JAZF1: variants seen among roughly 807,000 people sequenced by gnomAD.
JAZF1 encodes juxtaposed with another zinc finger protein 1.
JAZF1 carries 8 observed loss-of-function variants against 26.4 expected under a neutral mutation model. The observed-to-expected ratio is 0.30, with a 90% confidence interval of 0.18 to 0.55. JAZF1 has a LOEUF of 0.55. JAZF1 is among the 20% of genes least tolerant of loss of function. JAZF1 has a pLI of 0.94. For missense variants in JAZF1, 199 were observed against 322.0 expected (o/e 0.62, Z 2.92); for synonymous variants, 126 against 122.3 (o/e 1.03, Z -0.20).
intron 2 of JAZF1, among the ~76,000 whole-genome samples, chr7:27,988,398 A>G (rs1418572604): frequency 6.8e-6 from 1 of 146,912 alleles, no homozygotes; most frequent in Non-Finnish European, 1.5e-5. Flanking sequence ...TTTTTGAGAC[A>G]GTGTCTCCCC....
rs571098073 is a variant in JAZF1, at chr7:27,856,456, C to T, written c.386-15589G>A. ...TCCACACTGTGGAAAGGGACCTGAG[C>T]GGGTTGCCACTGCTGATTCAGGCAG... On this transcript the variant is annotated intron_variant, in intron 3 of 4. Coordinates refer to ENST00000283928, the MANE Select transcript of JAZF1 (RefSeq NM_175061.4). 5.3e-5 allele frequency among the ~76,000 whole-genome samples: 8 copies of T among 152,240 alleles called. No individual in the cohort carries two copies. In the East Asian group the frequency reaches 9.7e-4, roughly 18 times the overall value.
intron 2 of JAZF1, among the ~76,000 whole-genome samples, chr7:27,954,816 G>A (rs1785060560): frequency 6.6e-6 from 1 of 152,168 alleles, no homozygotes. Context: ...GGAGTGCAAT[G>A]GCATGTTCTT....
At chr7:27,904,761 G>A (rs1230496306) in intron 2 of JAZF1, among the ~76,000 whole-genome samples, 2 of 152,042 alleles carry the variant, frequency 1.3e-5, no homozygotes, top group Non-Finnish European at 1.5e-5. Context: ...CACTCCATTT[G>A]ATCAGATCAG....
intron 1 of JAZF1, chr7:28,071,530 T>C (rs1467499969): frequency 1.5e-5 from 7 of 455,726 alleles, no homozygotes; most frequent in South Asian, 1.1e-4. Context: ...TCAATAAATA[T>C]ATTAATACAC....
At chr7:28,041,616 A>G (rs1459766745) in intron 1 of JAZF1, among the ~76,000 whole-genome samples, 2 of 152,160 alleles carry the variant, frequency 1.3e-5, no homozygotes, top group Non-Finnish European at 2.9e-5. Context: ...CAAGACCTAC[A>G]TACTTCAGAT....
intron 1 of JAZF1, among the ~76,000 whole-genome samples, chr7:28,114,260 T>C (rs1002762745): frequency 3.0e-4 from 45 of 152,242 alleles, no homozygotes; most frequent in Admixed American, 7.9e-4. Flanking sequence ...CTGCTACCTT[T>C]ACCTTCTGCA....
intron 1 of JAZF1, among the ~76,000 whole-genome samples, chr7:28,063,037 C>T (rs766873637): frequency 2.0e-5 from 3 of 152,172 alleles, no homozygotes; most frequent in Non-Finnish European, 4.4e-5. Flanking sequence ...AACATCTAAG[C>T]TTATTTTATT....
chr7:28,108,420 C>G (rs1784587664), intron 1 of JAZF1, among the ~76,000 whole-genome samples: 1 of 152,124 alleles, frequency 6.6e-6, no homozygotes, highest in Admixed American at 6.5e-5. Flanking sequence ...CCTTGGTTTC[C>G]AAGCTCATCT....
chr7:28,147,421 C>T (rs1783044278), intron 1 of JAZF1, among the ~76,000 whole-genome samples: 1 of 152,118 alleles, frequency 6.6e-6, no homozygotes, highest in Admixed American at 6.5e-5. Context: ...CAAGTACTCA[C>T]CTTCTGATTC....
intron 1 of JAZF1, among the ~76,000 whole-genome samples, chr7:28,065,823 TTG>T (rs1783871921): frequency 6.6e-6 from 1 of 152,124 alleles, no homozygotes; most frequent in Non-Finnish European, 1.5e-5. Context: ...CACGTTTTAT[TTG>T]TGTGTTAGCG....
intron 2 of JAZF1, among the ~76,000 whole-genome samples, chr7:27,951,485 T>C (rs111556036): frequency 2.0e-5 from 3 of 152,350 alleles, no homozygotes; most frequent in South Asian, 2.1e-4. Context: ...ATAAGCCTTA[T>C]GGTTACTTTT....
At chr7:28,111,311 G>A (rs576143077) in intron 1 of JAZF1, among the ~76,000 whole-genome samples, 1 of 152,260 alleles carries the variant, frequency 6.6e-6, no homozygotes, top group East Asian at 1.9e-4. Context: ...ATATTCATTT[G>A]CTTCCATGTT....
chr7:28,046,769 AT>A (rs1783504454), intron 1 of JAZF1, among the ~76,000 whole-genome samples: 1 of 152,178 alleles, frequency 6.6e-6, no homozygotes, highest in African/African-American at 2.4e-5. Context: ...TTAAATAGTC[AT>A]TTGTATTTCT....
chr7:28,107,678 C>T (rs913177721), intron 1 of JAZF1, among the ~76,000 whole-genome samples: 1 of 152,112 alleles, frequency 6.6e-6, no homozygotes, highest in Non-Finnish European at 1.5e-5. Flanking sequence ...ACATAAGGAC[C>T]TCACAGGTTA....
intron 1 of JAZF1, among the ~76,000 whole-genome samples, chr7:28,129,263 A>T (rs931678765): frequency 3.3e-5 from 5 of 152,148 alleles, no homozygotes; most frequent in African/African-American, 9.7e-5. Context: ...ATGGTTACTT[A>T]AAAAGTCTGA....
intron 1 of JAZF1, among the ~76,000 whole-genome samples, chr7:28,124,417 G>A (rs1343195859): frequency 1.3e-5 from 2 of 152,190 alleles, no homozygotes. Flanking sequence ...AGCGGTTCTC[G>A]AGAGAAAGGG....
At chr7:27,894,382 A>G (rs1489239347) in intron 3 of JAZF1, among the ~76,000 whole-genome samples, 1 of 152,234 alleles carries the variant, frequency 6.6e-6, no homozygotes, top group Non-Finnish European at 1.5e-5. Context: ...TTTCTTACTA[A>G]TATTTTCTTT....
chr7:28,035,313 C>CAAAAAAAA (rs201602870), intron 1 of JAZF1, among the ~76,000 whole-genome samples: 1,094 of 27,388 alleles, frequency 0.04, 123 homozygotes, highest in Non-Finnish European at 0.051. Flanking sequence ...GACTCCATCT[C>CAAAAAAAA]AAAAAAAAAA....
chr7:27,918,396 G>A (rs1784477536), intron 2 of JAZF1, among the ~76,000 whole-genome samples: 1 of 152,066 alleles, frequency 6.6e-6, no homozygotes, highest in African/African-American at 2.4e-5. Flanking sequence ...GAAAAATCAC[G>A]AGGTTTAGCA....
Sources: gnomAD v4.1 joint callset for allele counts (sites outside exome capture counted in the v4.1 genomes callset) on GRCh38, gnomAD v4.1.1 for gene constraint, MANE v1.5 for transcripts, NCBI Gene and HGNC (gene_info 2026-07-23, HGNC 2026-07-21) for gene names.